The following PDE10A variants were observed in gnomAD, a reference collection of about 807,000 sequenced individuals.
PDE10A encodes the protein cAMP and cAMP-inhibited cGMP 3',5'-cyclic phosphodiesterase 10A.
PDE10A carries 39 observed loss-of-function variants against 97.7 expected under a neutral mutation model. The ratio of observed to expected loss-of-function variants is 0.40; its 90% CI spans 0.31 to 0.52. PDE10A has a LOEUF of 0.52. PDE10A is among the 20% of genes least tolerant of loss of function. The probability of loss-of-function intolerance (pLI) is 0.56; values close to 1 mark genes in which losing one functional copy is unlikely to be tolerated. For synonymous variants in PDE10A, 371 were observed against 376.8 expected, an observed-to-expected ratio of 0.98 and a Z score of 0.18; for missense variants, 731 against 1,047.8, an observed-to-expected ratio of 0.70 and a Z score of 4.17.
chr6:165,399,828 T>C (rs534179513), intron 13 of PDE10A, among the ~76,000 whole-genome samples: 2 of 152,228 alleles, frequency 1.3e-5, no homozygotes, highest in African/African-American at 4.8e-5. Context: ...TCTATCACTG[T>C]TGGACATGTG....
intron 19 of PDE10A, 112 bp downstream of exon 19, chr6:165,343,279 C>G: frequency 2.6e-6 from 2 of 758,478 alleles, no homozygotes; most frequent in Non-Finnish European, 4.6e-6. Flanking sequence ...TGTGACTCAC[C>G]ACAGTTCTCT....
chr6:165,842,962 G>A (rs1219344752), intron 1 of PDE10A, among the ~76,000 whole-genome samples: 1 of 152,230 alleles, frequency 6.6e-6, no homozygotes, highest in Admixed American at 6.5e-5. Context: ...ACCTGAAAGT[G>A]CTGTGAAGAT....
intron 1 of PDE10A, among the ~76,000 whole-genome samples, chr6:165,957,032 G>A (rs1784154440): frequency 6.6e-6 from 1 of 152,160 alleles, no homozygotes; most frequent in South Asian, 2.1e-4. Flanking sequence ...CTTCAGGGGA[G>A]GAGCATTTGC....
At chr6:165,943,294 G>GAAA (rs1562810032) in intron 1 of PDE10A, among the ~76,000 whole-genome samples, 1 of 59,426 alleles carries the variant, frequency 1.7e-5, no homozygotes, top group African/African-American at 8.1e-5. Flanking sequence ...AAAGAAAGAA[G>GAAA]GAAAGAAAGA....
At chr6:165,888,442 C>T (rs556489026) in intron 1 of PDE10A, among the ~76,000 whole-genome samples, 281 of 152,108 alleles carry the variant, frequency 1.8e-3, no homozygotes, top group Non-Finnish European at 2.9e-3. Context: ...TGCACCAACA[C>T]GCCTGGCTAG....
intron 1 of PDE10A, among the ~76,000 whole-genome samples, chr6:165,700,106 A>G (rs148544915): frequency 9.6e-4 from 146 of 152,366 alleles, no homozygotes; most frequent in African/African-American, 3.2e-3. Flanking sequence ...ATGTCCATCA[A>G]TGGATGAATG....
intron 1 of PDE10A, among the ~76,000 whole-genome samples, chr6:165,909,557 A>C (rs2128486004): frequency 6.6e-6 from 1 of 152,340 alleles, no homozygotes; most frequent in South Asian, 2.1e-4. Flanking sequence ...GACGTTAACA[A>C]GGCATTCATA....
intron 2 of PDE10A, among the ~76,000 whole-genome samples, chr6:165,497,195 G>T (rs1780589713): frequency 6.6e-6 from 1 of 152,108 alleles, no homozygotes. Context: ...TTAATAACTT[G>T]TTGTAATCAC....
intron 1 of PDE10A, among the ~76,000 whole-genome samples, chr6:165,633,064 G>C (rs1788707493): frequency 7.3e-6 from 1 of 136,184 alleles, no homozygotes; most frequent in East Asian, 2.1e-4. Flanking sequence ...TGAGAAGAAA[G>C]AAAAGTCACC....
At chr6:165,687,249 G>A (rs1216469892) in intron 1 of PDE10A, among the ~76,000 whole-genome samples, 9 of 152,202 alleles carry the variant, frequency 5.9e-5, no homozygotes, top group Non-Finnish European at 1.3e-4. Context: ...AGAGGCACTG[G>A]GAGTTTCATA....
chr6:165,985,695 C>T (rs180804758), intron 1 of PDE10A, among the ~76,000 whole-genome samples: 2 of 151,872 alleles, frequency 1.3e-5, no homozygotes, highest in East Asian at 3.9e-4. Flanking sequence ...CCTCTGGACA[C>T]AGGTGTCCTG....
chr6:165,615,301 T>C (rs992516800), intron 1 of PDE10A, among the ~76,000 whole-genome samples: 2 of 152,098 alleles, frequency 1.3e-5, no homozygotes, highest in Non-Finnish European at 2.9e-5. Flanking sequence ...TTTAGATAAA[T>C]CACATTTGAT....
chr6:165,514,943 G>A (rs1781707476), intron 2 of PDE10A, among the ~76,000 whole-genome samples: 1 of 152,102 alleles, frequency 6.6e-6, no homozygotes. Context: ...TTGGGGAGAG[G>A]ATTTCCTGTT....
chr6:165,943,129 G>A (rs1315391140), intron 1 of PDE10A, among the ~76,000 whole-genome samples: 2 of 140,698 alleles, frequency 1.4e-5, no homozygotes, highest in Non-Finnish European at 3.1e-5. Context: ...GGTGGGGCAG[G>A]GGAGGCAAGA....
intron 1 of PDE10A, among the ~76,000 whole-genome samples, chr6:165,705,215 G>A (rs1007798562): frequency 6.6e-6 from 1 of 152,244 alleles, no homozygotes; most frequent in East Asian, 1.9e-4. Flanking sequence ...AGACAGGTGA[G>A]GTTAAGACCA....
At chr6:165,783,676 TCCTTTACAAAC>T (rs1170755036) in intron 1 of PDE10A, among the ~76,000 whole-genome samples, 1 of 152,042 alleles carries the variant, frequency 6.6e-6, no homozygotes, top group Non-Finnish European at 1.5e-5. Flanking sequence ...ACAGAATGAG[TCCTTTACAAAC>T]CCTTACCAGC....
intron 1 of PDE10A, among the ~76,000 whole-genome samples, chr6:165,844,112 A>C (rs1488074464): frequency 2.6e-5 from 4 of 152,182 alleles, no homozygotes; most frequent in African/African-American, 7.2e-5. Flanking sequence ...GACCAAGCCA[A>C]CTTTTGTTTT....
chr6:165,659,208 C>G (rs1342232890), intron 1 of PDE10A, among the ~76,000 whole-genome samples: 1 of 151,894 alleles, frequency 6.6e-6, no homozygotes, highest in Non-Finnish European at 1.5e-5. Flanking sequence ...AGCATTCATA[C>G]AAACAGTAAC....
intron 17 of PDE10A, among the ~76,000 whole-genome samples, chr6:165,380,550 TA>T (rs1784868257): frequency 6.6e-6 from 1 of 152,232 alleles, no homozygotes; most frequent in Non-Finnish European, 1.5e-5. Context: ...ACAATAATAG[TA>T]GTAAGACCTT....
Sources: allele counts gnomAD v4.1 joint callset (sites outside exome capture counted in the v4.1 genomes callset), GRCh38; gene constraint gnomAD v4.1.1; transcripts MANE v1.5; gene names NCBI Gene and HGNC (gene_info 2026-07-23, HGNC 2026-07-21).